NFAT5: variants seen among roughly 807,000 people sequenced by gnomAD.
NFAT5 encodes nuclear factor of activated T-cells 5.
A neutral mutation model predicts 166.5 loss-of-function variants in NFAT5; 31 were observed. That is an observed-to-expected ratio of 0.19 (90% CI 0.14 to 0.25). The LOEUF is 0.25. Ranked by LOEUF, NFAT5 falls within the 10% of genes least tolerant of loss-of-function variation. The probability of loss-of-function intolerance (pLI) is 1.00; values close to 1 mark genes in which losing one functional copy is unlikely to be tolerated. For missense variants in NFAT5, 1,449 were observed against 1,821.8 expected, an observed-to-expected ratio of 0.80 and a Z score of 3.72; for synonymous variants, 612 against 639.7, an observed-to-expected ratio of 0.96 and a Z score of 0.65.
chr16:69,691,446 C>G (rs1361689125), intron 12 of NFAT5, among the ~76,000 whole-genome samples: 2 of 152,104 alleles, frequency 1.3e-5, no homozygotes, highest in Non-Finnish European at 2.9e-5. Context: ...ACCTGCTCTT[C>G]ATGAACCATA....
intron 9 of NFAT5, among the ~76,000 whole-genome samples, chr16:69,675,099 G>A (rs2036780159): frequency 6.6e-6 from 1 of 152,190 alleles, no homozygotes; most frequent in African/African-American, 2.4e-5. Context: ...GATTGAGGAA[G>A]TTTGAAGAAT....
rs181370956 is a variant in NFAT5 at position 69,625,404 on chromosome 16, A to G, written c.128-999A>G. ...AGGGTTCTTTAATTTGGAATACAAA[A>G]GTAATCGTAATCTAATATAGGTATT... On this transcript the variant is annotated intron_variant, in intron 2 of 14. Transcript: ENST00000349945. Among the ~76,000 whole-genome samples, 678 of 152,216 alleles carry G rather than the reference A, an allele frequency of 4.5e-3. 2 individuals are homozygous for G. The highest frequency in any genetic ancestry group is 5.7e-3 in the Non-Finnish European group (391 of 68,012).
Position 69,692,987 on chromosome 16 carries a change from T to A in NFAT5, c.3162T>A (p.Ser1054Arg), listed in dbSNP as rs1567614729. The A allele has an allele frequency of 6.2e-7, 1 of 1,614,130 alleles. No individual in the cohort carries two copies. Among genetic ancestry groups the A allele is most frequent in the Non-Finnish European group, 8.5e-7 (1 of 1,180,038 alleles). ...AAAGTATGATGAGTGTTCAGAATAGTGGTACCCAACAACAAGGTAATGGTT... is the reference window on the plus strand; with the variant it reads ...AAAGTATGATGAGTGTTCAGAATAGAGGTACCCAACAACAAGGTAATGGTT... ...STKSMMSVQN[S>R]GTQQQGNGLF... The change falls in exon 13 of 15, where the codon AGT (serine) becomes AGA (arginine). Residue 1054 changes from serine (S) to arginine (R), a missense_variant. Coordinates refer to ENST00000349945, the MANE Select transcript of NFAT5 (RefSeq NM_138713.4).
Position 69,699,703 on chromosome 16 carries a change from T to A in NFAT5, c.*3352T>A, listed in dbSNP as rs777289105. The A allele has an allele frequency of 2.2e-4, 33 of 152,686 alleles. No individual in the cohort carries two copies. Among genetic ancestry groups the A allele is most frequent in the Non-Finnish European group, 3.5e-4 (24 of 68,042 alleles). 9.5% of individuals were successfully genotyped at this position (152,686 alleles called of 1,614,324 possible). A position where few individuals can be genotyped will look rare whatever the true frequency, so the allele number is the denominator to read the frequency against. On this transcript the variant is annotated 3_prime_UTR_variant, in exon 15 of 15. Transcript: ENST00000349945. ...TAGAAACAACAATTTATTAAATGTA[T>A]TTATGGCAGAAGGACCTAAATAAAC...
intron 2 of NFAT5, among the ~76,000 whole-genome samples, chr16:69,585,722 A>G (rs1468991162): frequency 1.3e-5 from 2 of 152,232 alleles, no homozygotes; most frequent in Non-Finnish European, 1.5e-5. Context: ...GAAATAAGCC[A>G]GACAGAAAAG....
At chr16:69,623,381 G>T (rs933420929) in intron 2 of NFAT5, among the ~76,000 whole-genome samples, 1 of 150,600 alleles carries the variant, frequency 6.6e-6, no homozygotes, top group Non-Finnish European at 1.5e-5. Context: ...AGGCTGAAGT[G>T]CAGTGGCACG....
In NFAT5 at chr16:69,695,279, G is replaced by C; in HGVS notation, c.4558G>C (p.Ala1520Pro). Residue 1520 changes from alanine to proline, a missense_variant, in exon 14 of 15, where the codon GCA becomes CCA. By Grantham distance (27) the Ala-to-Pro change is conservative. Transcript: ENST00000349945. ...GCAAATGCCAGAGAATTCTCCACTG[G>C]CATCCTCTATAAACACCAACCAGAA... ...SQQMPENSPL[A>P]SSINTNQNIE... 6.2e-7 allele frequency: 1 copy of C among 1,614,060 alleles called. No individual in the cohort carries two copies. Among genetic ancestry groups the C allele is most frequent in the Non-Finnish European group, 8.5e-7 (1 of 1,180,006 alleles).
Position 69,653,436 on chromosome 16 carries a change from CTTTA to C in NFAT5, c.1005+14_1005+17del, listed in dbSNP as rs751067427. 1.4e-4 allele frequency: 200 copies of C among 1,466,816 alleles called. No homozygotes were observed. The highest frequency in any genetic ancestry group is 5.4e-4 in the Middle Eastern group (3 of 5,544). 90.9% of individuals were successfully genotyped at this position (1,466,816 alleles called of 1,614,324 possible). A position where few individuals can be genotyped will look rare whatever the true frequency, so the allele number is the denominator to read the frequency against. On this transcript the variant is annotated intron_variant, in intron 5 of 14. Transcript: ENST00000349945. ...GGCTTTCCTACAGTAAAGGTATTTA[CTTTA>C]TTTATCATTTGAATTTTAGTTAAAA... is the stretch of plus-strand genomic sequence containing the variant.
At chr16:69,618,282 G>C (rs1050824369) in intron 2 of NFAT5, among the ~76,000 whole-genome samples, 1 of 152,104 alleles carries the variant, frequency 6.6e-6, no homozygotes, top group South Asian at 2.1e-4. Context: ...TAGGAAAACA[G>C]TAATTAAATA....
intron 3 of NFAT5, among the ~76,000 whole-genome samples, chr16:69,629,472 C>T (rs903309935): frequency 6.6e-6 from 1 of 152,112 alleles, no homozygotes. Context: ...CTTTTATGCA[C>T]TCCCATCAAT....
chr16:69,689,796 C>T (rs1182252926), intron 11 of NFAT5, among the ~76,000 whole-genome samples: 1 of 152,182 alleles, frequency 6.6e-6, no homozygotes, highest in African/African-American at 2.4e-5. Flanking sequence ...CCACCTGCCT[C>T]GGCCTCCCAA....
At position 69,614,499 on chromosome 16, in the gene NFAT5, A is replaced by G. The variant is rs965521634; in HGVS notation, c.128-11904A>G. ...CCTAATGAAATGTATGCCTGAATGC[A>G]CTTTTTGGAACAATCTTGAACCTAC... is the stretch of plus-strand genomic sequence containing the variant. On this transcript the variant is annotated intron_variant, in intron 2 of 14. Transcript: ENST00000349945. 9.8e-5 allele frequency among the ~76,000 whole-genome samples: 15 copies of G among 152,358 alleles called. 2 individuals are homozygous for G. Among genetic ancestry groups the G allele is most frequent in the East Asian group, 3.9e-4 (2 of 5,194 alleles).
chr16:69,643,606 T>C (rs184741256), intron 3 of NFAT5, among the ~76,000 whole-genome samples: 4 of 152,284 alleles, frequency 2.6e-5, no homozygotes, highest in Admixed American at 2.0e-4. Context: ...ATCGTAGTAA[T>C]ATATATTCTA....
At chr16:69,621,170 A>G (rs530288453) in intron 2 of NFAT5, among the ~76,000 whole-genome samples, 2 of 152,170 alleles carry the variant, frequency 1.3e-5, no homozygotes, top group East Asian at 3.9e-4. Flanking sequence ...GGTTTTGTCC[A>G]TGAAGTTTAT....
At chr16:69,591,417 AT>A (rs1310454576) in intron 2 of NFAT5, among the ~76,000 whole-genome samples, 1 of 152,156 alleles carries the variant, frequency 6.6e-6, no homozygotes, top group Non-Finnish European at 1.5e-5. Flanking sequence ...AATTCAGTTA[AT>A]TTGGAGGAAG....
At position 69,647,670 on chromosome 16, in the gene NFAT5, G is replaced by C. The variant is rs1053363745; in HGVS notation, c.812+84G>C. ...AAATTCCCAATTTTTCCTAATTGCT[G>C]AGCTCAAGTTTGCATATAAAGCAAC... is the stretch of plus-strand genomic sequence containing the variant. On this transcript the variant is annotated intron_variant, in intron 4 of 14. Transcript: ENST00000349945. The surrounding 1 kb of genome is among the most constrained non-coding windows in gnomAD (Gnocchi z 4.8). 1 of 1,293,042 alleles carries C rather than the reference G, an allele frequency of 7.7e-7. No individual in the cohort carries two copies. Among genetic ancestry groups the C allele is most frequent in the East Asian group, 2.4e-5 (1 of 42,404 alleles). 80.1% of individuals were successfully genotyped at this position (1,293,042 alleles called of 1,614,324 possible). A position where few individuals can be genotyped will look rare whatever the true frequency, so the allele number is the denominator to read the frequency against.
At position 69,670,276 on chromosome 16, in the gene NFAT5, A is replaced by C. The variant is rs1405287120; in HGVS notation, c.1545A>C (p.Glu515Asp). ...AGTCAGAAGCTGAAATTGATATGGA[A>C]CTATTTCATCAGGTAAAATTTAAGC... Reference protein sequence around the residue: ...SWKSEAEIDMELFHQNHLIVK... With the variant: ...SWKSEAEIDMDLFHQNHLIVK... Residue 515 changes from glutamate (E) to aspartate (D), a missense_variant, in exon 9 of 15, where the codon GAA becomes GAC. Physicochemically the swap from Glu to Asp is conservative, Grantham distance 45. Transcript: ENST00000349945. 6.3e-7 allele frequency: 1 copy of C among 1,578,068 alleles called. No individual in the cohort carries two copies. Among genetic ancestry groups the C allele is most frequent in the Admixed American group, 1.8e-5 (1 of 54,876 alleles).
intron 4 of NFAT5, among the ~76,000 whole-genome samples, chr16:69,651,671 A>AT (rs5817673): frequency 0.5 from 71,530 of 142,858 alleles, 18,310 homozygotes; most frequent in East Asian, 0.82. Context: ...ACATACGTGA[A>AT]TTTTTTTTTT....
chr16:69,684,055 C>T (rs142807705), intron 10 of NFAT5, among the ~76,000 whole-genome samples: 16 of 151,474 alleles, frequency 1.1e-4, no homozygotes, highest in East Asian at 2.0e-4. Flanking sequence ...GTCAAGACTG[C>T]GCCATTGCAC....
Sources: allele counts gnomAD v4.1 joint callset (sites outside exome capture counted in the v4.1 genomes callset), GRCh38; gene constraint gnomAD v4.1.1; non-coding constraint Gnocchi (gnomAD v3.1); transcripts MANE v1.5; gene names NCBI Gene and HGNC (gene_info 2026-07-23, HGNC 2026-07-21).